XPC: variants seen among roughly 807,000 people sequenced by gnomAD.
The protein encoded by XPC is XPC complex subunit, DNA damage recognition and repair factor, also known as DNA repair protein complementing XP-C cells.
A neutral mutation model predicts 95.8 loss-of-function variants in XPC; 76 were observed. The observed-to-expected ratio is 0.79, with a 90% CI of 0.66 to 0.96. XPC has a LOEUF of 0.96. Among genes scored for constraint, XPC ranks in the 40% least tolerant of loss-of-function variants. The pLI is 0.00. For synonymous variants in XPC, 442 were observed against 442.1 expected, an observed-to-expected ratio of 1.00 and a Z score of 0.00; for missense variants, 1,146 against 1,179.8, an observed-to-expected ratio of 0.97 and a Z score of 0.42.
chr3:14,155,912 T>C lies in XPC; in HGVS notation c.2033+423A>G, dbSNP rs571496063. ...AGTGGCATTAGGTCCATTCACAACA[T>C]TGTACAACCATTACCACCATCCATT... On this transcript the variant is annotated intron_variant, in intron 10 of 15. Coordinates refer to ENST00000285021, the MANE Select transcript of XPC (RefSeq NM_004628.5). Among the ~76,000 whole-genome samples the C allele has an allele frequency of 5.3e-5, 8 of 152,268 alleles. 1 individual carries two copies. Among genetic ancestry groups the C allele is most frequent in the African/African-American group, 1.9e-4 (8 of 41,552 alleles).
At chr3:14,165,102 A>G (rs991614605) in intron 6 of XPC, among the ~76,000 whole-genome samples, 169 bp from the exon 7 acceptor site, 3 of 152,058 alleles carry the variant, frequency 2.0e-5, no homozygotes, top group African/African-American at 7.2e-5. Context: ...CCCAGCTCAG[A>G]CTTTACCTCC....
chr3:14,167,806 C>G (rs1420530618), intron 4 of XPC, among the ~76,000 whole-genome samples: 1 of 152,144 alleles, frequency 6.6e-6, no homozygotes, highest in Non-Finnish European at 1.5e-5. Context: ...CTCCGGGATG[C>G]TGGGAAGGAT....
In XPC at chr3:14,147,551, T is replaced by C. The variant is rs1049002366; in HGVS notation, c.2515-172A>G. 3.4e-5 allele frequency: 23 copies of C among 676,384 alleles called. No homozygotes were observed. The Admixed American group carries it at 3.5e-4, about 10-fold the overall frequency. The allele number at this position is 676,384 out of a possible 1,614,324, so 41.9% of individuals were successfully genotyped here. A position where few individuals can be genotyped will look rare whatever the true frequency, so the allele number is the denominator to read the frequency against. On this transcript the variant is annotated intron_variant, in intron 14 of 15. Transcript: ENST00000285021. ...AATTGATCTGATTTACAAAGTGATA[T>C]ACTATACCTGAAAGCCACAAAAACA...
In XPC at chr3:14,158,616, GC is replaced by G. The variant is rs2125025992; in HGVS notation, c.1266del (p.Arg423GlyfsTer103). ...TTATAAGACACCCTGGAGGCCACCC[GC>G]CGCTCCCGGCCATGCGGACGTCGCT... is the stretch of plus-strand genomic sequence containing the variant. Reference protein sequence around the residue: ...ATQRRPHGRERRVASRVSYKE... With the variant: ...ATQRRPHGREXRVASRVSYKE... On this transcript the variant is annotated frameshift_variant, in exon 9 of 16. Transcript: ENST00000285021. LOFTEE classifies it high-confidence loss of function. The surrounding 1 kb of genome is among the most constrained non-coding windows in gnomAD (Gnocchi z 5.2). The G allele has an allele frequency of 6.2e-7, 1 of 1,613,808 alleles. No individual in the cohort carries two copies.
chr3:14,169,314 A>G (rs866173612), intron 3 of XPC, among the ~76,000 whole-genome samples: 44 of 151,822 alleles, frequency 2.9e-4, no homozygotes, highest in African/African-American at 1.0e-3. Context: ...AGTTTAATCA[A>G]AATTACATGT....
At chr3:14,163,180 A>C (rs1388292178) in intron 7 of XPC, among the ~76,000 whole-genome samples, 1 of 152,248 alleles carries the variant, frequency 6.6e-6, no homozygotes, top group Admixed American at 6.5e-5. Context: ...CAGTAACTGC[A>C]GAAAACAGTT....
intron 1 of XPC, among the ~76,000 whole-genome samples, chr3:14,173,708 T>C (rs1228328049): frequency 6.6e-6 from 1 of 152,202 alleles, no homozygotes; most frequent in Non-Finnish European, 1.5e-5. Flanking sequence ...CTGCTGGTTT[T>C]AGTCAAATTG....
intron 7 of XPC, 33 bp from the exon 8 acceptor site, chr3:14,159,863 A>C (rs1696097903): frequency 6.5e-7 from 1 of 1,534,650 alleles, no homozygotes; most frequent in South Asian, 1.2e-5. Context: ...AGTTATCCTA[A>C]GAAAGTAATT....
intron 1 of XPC, among the ~76,000 whole-genome samples, chr3:14,174,789 GGA>G (rs200717268): frequency 0.045 from 6,867 of 152,078 alleles, 351 homozygotes; most frequent in East Asian, 0.22. Flanking sequence ...CAGACTAGAA[GGA>G]AACAGACCAC....
Position 14,172,897 on chromosome 3 carries a change from T to C in XPC, c.269A>G (p.Asp90Gly), listed in dbSNP as rs1574977233. Residue 90 changes from aspartate to glycine, a missense_variant, in exon 2 of 16, where the codon GAT (aspartate) becomes GGT (glycine). Transcript: ENST00000285021. ...VKSENLKVIK[D>G]EALSDGDDLR... is the part of the protein sequence containing the mutation. ...GTCATCCCCATCGCTGAGGGCTTCA[T>C]CCTTTATAACCTTGAGGTTTTCAGA... 1 of 1,613,986 alleles carries C rather than the reference T, an allele frequency of 6.2e-7. No homozygotes were observed. The highest frequency in any genetic ancestry group is 8.5e-7 in the Non-Finnish European group (1 of 1,179,866).
In XPC at chr3:14,158,909, A is replaced by G; in HGVS notation, c.991-17T>C. On this transcript the variant is annotated splice_polypyrimidine_tract_variant and intron_variant, in intron 8 of 15. Coordinates refer to ENST00000285021, the MANE Select transcript of XPC (RefSeq NM_004628.5). The surrounding 1 kb of genome is among the most constrained non-coding windows in gnomAD (Gnocchi z 5.2). ...TTTCTTTCCCTTAAACAGAATAAGA[A>G]ATTTTGCTTTTTTTTCTCCCCCCTC... 6.2e-7 allele frequency: 1 copy of G among 1,613,548 alleles called. No individual in the cohort carries two copies. Among genetic ancestry groups the G allele is most frequent in the South Asian group, 1.1e-5 (1 of 91,050 alleles).
Position 14,167,188 on chromosome 3 carries a change from A to G in XPC, c.602T>C (p.Val201Ala). Residue 201 changes from valine (V) to alanine (A), a missense_variant, in exon 5 of 16, where the codon GTC becomes GCC. Coordinates refer to ENST00000285021, the MANE Select transcript of XPC (RefSeq NM_004628.5). ...CCTTACCTTGTGTGTGTCCTCATGGACCCCTTTATTGAAACGTTTCATCGC... is the reference window on the plus strand; with the variant it reads ...CCTTACCTTGTGTGTGTCCTCATGGGCCCCTTTATTGAAACGTTTCATCGC... The part of the protein sequence containing the change: ...RRAMKRFNKG[V>A]HEDTHKVHLL... 1 of 1,607,294 alleles carries G rather than the reference A, an allele frequency of 6.2e-7. No individual in the cohort carries two copies.
At position 14,150,740 on chromosome 3, in the gene XPC, G is replaced by A. The variant is rs1182920370; in HGVS notation, c.2115+1595C>T. 8.5e-5 allele frequency among the ~76,000 whole-genome samples: 13 copies of A among 152,344 alleles called. No homozygotes were observed. In the East Asian group the frequency reaches 1.7e-3, roughly 20 times the overall value. On this transcript the variant is annotated intron_variant, in intron 11 of 15. Coordinates refer to ENST00000285021, the MANE Select transcript of XPC (RefSeq NM_004628.5). ...ATTGCCCAGCCCTGAGGACAGTGGA[G>A]GCAAGAAAGGCTGCTCAAAACAGGT...
At chr3:14,146,899 G>A (rs1309864552) in intron 15 of XPC, among the ~76,000 whole-genome samples, 1 of 152,234 alleles carries the variant, frequency 6.6e-6, no homozygotes, top group Non-Finnish European at 1.5e-5. Flanking sequence ...CAGGTGCTGT[G>A]AGAGAGGTAC....
At chr3:14,157,989 C>A (rs745639123) in intron 9 of XPC, 22 bp downstream of exon 9, 2 of 1,577,016 alleles carry the variant, frequency 1.3e-6, no homozygotes, top group African/African-American at 2.7e-5. Flanking sequence ...TGTCTTGGAG[C>A]CCCTGGCAGC....
At chr3:14,170,311 C>T in intron 3 of XPC, 127 bp downstream of exon 3, 2 of 866,482 alleles carry the variant, frequency 2.3e-6, no homozygotes, top group Non-Finnish European at 3.6e-6. Flanking sequence ...CTAGTACAAC[C>T]TTATCTGTGG....
At chr3:14,168,623 A>G (rs1696488108) in intron 3 of XPC, among the ~76,000 whole-genome samples, 2 of 152,056 alleles carry the variant, frequency 1.3e-5, no homozygotes, top group East Asian at 3.9e-4. Context: ...TAGATAAAGA[A>G]CCTAAAGCAT....
chr3:14,168,304 C>T lies in XPC; in HGVS notation c.489G>A (p.Val163=). The T allele has an allele frequency of 6.2e-7, 1 of 1,613,906 alleles. No individual in the cohort carries two copies. The highest frequency in any genetic ancestry group is 8.5e-7 in the Non-Finnish European group (1 of 1,179,854). Reference sequence around the variant, plus strand: ...GCTCTGGCGTTTCAATCTCTATCTCCACTGGCTTCACAGGCAGAAGAGATC... The same window carrying T: ...GCTCTGGCGTTTCAATCTCTATCTCTACTGGCTTCACAGGCAGAAGAGATC... The part of the protein sequence containing the change: ...FSRSLLPVKP[V]EIEIETPEQA... Residue 163 remains valine, a synonymous_variant, in exon 4 of 16, where the codon GTG becomes GTA. Coordinates refer to ENST00000285021, the MANE Select transcript of XPC (RefSeq NM_004628.5).
intron 5 of XPC, among the ~76,000 whole-genome samples, chr3:14,166,535 C>T (rs1161074770): frequency 3.4e-5 from 5 of 148,690 alleles, no homozygotes; most frequent in Non-Finnish European, 7.4e-5. Flanking sequence ...CCAACACCTA[C>T]ATACTCCACA....
Sources: gnomAD v4.1 joint callset for allele counts (sites outside exome capture counted in the v4.1 genomes callset) on GRCh38, gnomAD v4.1.1 for gene constraint, Gnocchi (gnomAD v3.1) non-coding constraint, MANE v1.5 for transcripts, NCBI Gene and HGNC (gene_info 2026-07-23, HGNC 2026-07-21) for gene names.